The following L3MBTL1 variants were observed in gnomAD, a reference collection of about 807,000 sequenced individuals.
L3MBTL1 encodes the protein lethal(3)malignant brain tumor-like protein 1.
Under a neutral mutation model 105.3 loss-of-function variants are expected in L3MBTL1, and 75 were observed. That is an observed-to-expected ratio of 0.71 (90% CI 0.59 to 0.86). The LOEUF (loss-of-function observed/expected upper bound fraction) is 0.86, where lower values mean the gene tolerates loss of function less well. Among genes scored for constraint, L3MBTL1 ranks in the 40% least tolerant of loss-of-function variants. The pLI, the probability that L3MBTL1 is intolerant of heterozygous loss-of-function variation, is 0.00. For synonymous variants in L3MBTL1, 452 were observed against 436.2 expected, an observed-to-expected ratio of 1.04 and a Z score of -0.45; for missense variants, 1,069 against 1,126.4, an observed-to-expected ratio of 0.95 and a Z score of 0.73.
Position 43,522,980 on chromosome 20 carries a change from C to T in L3MBTL1, c.863-5677C>T, listed in dbSNP as rs562094408. On this transcript the variant is annotated intron_variant, in intron 7 of 21. Transcript: ENST00000418998. ...AAAATTAGCTGGGCATGGTGGTGCACGCCTGTAATCCCAGCTACTCAGGAG... is the reference window on the plus strand; with the variant it reads ...AAAATTAGCTGGGCATGGTGGTGCATGCCTGTAATCCCAGCTACTCAGGAG... Among the ~76,000 whole-genome samples, 72 of 151,438 alleles carry T rather than the reference C, an allele frequency of 4.8e-4. 1 individual carries two copies. The highest frequency in any genetic ancestry group is 1.5e-3 in the African/African-American group (61 of 41,276).
At chr20:43,544,711 T>A (rs1382625976), downstream of L3MBTL1, among the ~76,000 whole-genome samples, 2 of 152,156 alleles carry the variant, frequency 1.3e-5, no homozygotes, top group East Asian at 1.9e-4. Flanking sequence ...ACTCCTGTAA[T>A]CCCAGCAATT....
At chr20:43,530,455 G>A (rs754398352) in intron 10 of L3MBTL1, 36 bp downstream of exon 10, 16 of 1,608,274 alleles carry the variant, frequency 9.9e-6, no homozygotes, top group East Asian at 2.2e-5. Context: ...GTGAGGCAGT[G>A]AGTCCTCAGA....
intron 4 of L3MBTL1, 27 bp downstream of exon 4, chr20:43,514,803 A>G: frequency 1.3e-6 from 2 of 1,526,482 alleles, no homozygotes; most frequent in South Asian, 1.2e-5. Context: ...CCAGGCCCTG[A>G]GCTGGGCCCT....
At chr20:43,547,747 G>A (rs563918345) in intron 18 of L3MBTL1, among the ~76,000 whole-genome samples, 7 of 152,290 alleles carry the variant, frequency 4.6e-5, no homozygotes, top group Admixed American at 3.9e-4. Context: ...GGGACAACAA[G>A]AGCAGGTTTC....
downstream of L3MBTL1, among the ~76,000 whole-genome samples, chr20:43,542,906 A>G (rs1459746732): frequency 6.6e-6 from 1 of 152,066 alleles, no homozygotes; most frequent in Non-Finnish European, 1.5e-5. Flanking sequence ...AGTATACCAT[A>G]ATTTCTTGTT....
chr20:43,514,111 C>A, intron 3 of L3MBTL1, 50 bp downstream of exon 3: 1 of 1,464,288 alleles, frequency 6.8e-7, no homozygotes, highest in Non-Finnish European at 9.2e-7. Context: ...AGCCATGGGG[C>A]GGGGCTTGCA....
At chr20:43,522,132 G>A (rs891747988) in intron 7 of L3MBTL1, among the ~76,000 whole-genome samples, 24 of 152,122 alleles carry the variant, frequency 1.6e-4, no homozygotes, top group African/African-American at 5.8e-4. Flanking sequence ...CGAGGCGGGT[G>A]GATCACGAGG....
rs780012257 is a variant in L3MBTL1, at chr20:43,536,331, G to C, written c.2123+37G>C. 2.5e-6 allele frequency: 4 copies of C among 1,612,182 alleles called. No homozygotes were observed. In the Admixed American group the frequency reaches 6.7e-5, roughly 27 times the overall value. On this transcript the variant is annotated intron_variant, in intron 18 of 21. Transcript: ENST00000418998. ...AGGGAATCAGGGCCCGGGCTTCCTG[G>C]GGGTGTGGGGCCTTGTAGCCTCTTG...
intron 7 of L3MBTL1, among the ~76,000 whole-genome samples, chr20:43,525,187 C>T (rs4812717): frequency 0.48 from 72,010 of 151,416 alleles, 17,836 homozygotes; most frequent in African/African-American, 0.61. Context: ...TGGATGGTGG[C>T]GCCATTGACT....
In L3MBTL1 at chr20:43,514,075, G is replaced by A. The variant is rs2018223318; in HGVS notation, c.360+14G>A. The A allele has an allele frequency of 1.3e-6, 2 of 1,529,574 alleles. No individual in the cohort carries two copies. Among genetic ancestry groups the A allele is most frequent in the Non-Finnish European group, 1.7e-6 (2 of 1,143,284 alleles). 94.8% of individuals were successfully genotyped at this position (1,529,574 alleles called of 1,614,324 possible). On this transcript the variant is annotated intron_variant, in intron 3 of 21. Transcript: ENST00000418998. ...GGCGGCCTGCGGGTCAGTGTCTGTG[G>A]GGATTGGCTAAGCCTCGTAAACCGC...
At chr20:43,514,599 C>G in intron 3 of L3MBTL1, 36 bp from the exon 4 acceptor site, 2 of 1,599,132 alleles carry the variant, frequency 1.3e-6, no homozygotes, top group Non-Finnish European at 1.7e-6. Flanking sequence ...AGGACCCGTA[C>G]GGGAGTCGCA....
intron 7 of L3MBTL1, among the ~76,000 whole-genome samples, chr20:43,516,557 A>G (rs945848940): frequency 5.3e-5 from 8 of 152,136 alleles, no homozygotes; most frequent in African/African-American, 1.9e-4. Flanking sequence ...TTGGAACCCT[A>G]TTCTCACTCT....
chr20:43,524,649 A>G (rs1402204714), intron 7 of L3MBTL1, among the ~76,000 whole-genome samples: 1 of 151,902 alleles, frequency 6.6e-6, no homozygotes, highest in African/African-American at 2.4e-5. Context: ...GTCATTTAAC[A>G]AGCATTTGTT....
chr20:43,509,362 C>A (rs1401785687), intron 1 of L3MBTL1, among the ~76,000 whole-genome samples: 1 of 151,960 alleles, frequency 6.6e-6, no homozygotes, highest in African/African-American at 2.4e-5. Context: ...GTAGCTGGGA[C>A]CACAGGGGTG....
exon 19 of L3MBTL1, chr20:43,548,163 T>C: frequency 7.7e-7 from 1 of 1,304,328 alleles, no homozygotes; most frequent in South Asian, 1.2e-5. Flanking sequence ...ATTGTGAAGA[T>C]CATGAGCGTC....
At chr20:43,518,950 T>G (rs1234738105) in intron 7 of L3MBTL1, among the ~76,000 whole-genome samples, 1 of 135,280 alleles carries the variant, frequency 7.4e-6, no homozygotes, top group East Asian at 2.3e-4. Context: ...AGCTTGAACC[T>G]GGGAGGAGGA....
At chr20:43,517,011 G>A (rs1395505920) in intron 7 of L3MBTL1, among the ~76,000 whole-genome samples, 1 of 151,848 alleles carries the variant, frequency 6.6e-6, no homozygotes, top group Non-Finnish European at 1.5e-5. Context: ...TGCTCAGGCT[G>A]GTCTCGAACT....
At chr20:43,515,507 G>A in intron 6 of L3MBTL1, 92 bp downstream of exon 6, 1 of 1,475,386 alleles carries the variant, frequency 6.8e-7, no homozygotes, top group Non-Finnish European at 9.1e-7. Context: ...TATGGAGCTG[G>A]GCCAGAGAAG....
At chr20:43,529,200 A>G (rs2019195425) in intron 8 of L3MBTL1, 64 bp from the exon 9 acceptor site, 4 of 1,309,994 alleles carry the variant, frequency 3.1e-6, no homozygotes, top group Admixed American at 1.9e-5. Flanking sequence ...CCTTCACCCC[A>G]AGCCCACTAG....
Sources: gnomAD v4.1 joint callset for allele counts (sites outside exome capture counted in the v4.1 genomes callset) on GRCh38, gnomAD v4.1.1 for gene constraint, MANE v1.5 for transcripts, NCBI Gene and HGNC (gene_info 2026-07-23, HGNC 2026-07-21) for gene names.